Variants in STARD4 observed in about 807,000 individuals in gnomAD.
The protein encoded by STARD4 is stAR-related lipid transfer protein 4.
In STARD4, 33 loss-of-function variants were observed where a neutral mutation model predicts 24.9. The ratio of observed to expected loss-of-function variants is 1.32; its 90% CI spans 1.00 to 1.77. The LOEUF (loss-of-function observed/expected upper bound fraction) is 1.77, where lower values mean the gene tolerates loss of function less well. Among genes scored for constraint, STARD4 ranks in the 40% most tolerant of loss-of-function variants. The pLI is 0.00. For synonymous variants in STARD4, 88 were observed against 77.4 expected, an observed-to-expected ratio of 1.14 and a Z score of -0.72; for missense variants, 238 against 249.3, an observed-to-expected ratio of 0.95 and a Z score of 0.31.
intron 2 of STARD4, among the ~76,000 whole-genome samples, 197 bp from the exon 3 acceptor site, chr5:111,506,576 G>A (rs1224422114): frequency 6.6e-6 from 1 of 151,992 alleles, no homozygotes; most frequent in African/African-American, 2.4e-5. Context: ...TCTTCACATT[G>A]TACTTAAATT....
At position 111,500,999 on chromosome 5, in the gene STARD4, T is replaced by C. The variant is rs746378645; in HGVS notation, c.397+3A>G. 38 of 1,613,670 alleles carry C rather than the reference T, an allele frequency of 2.4e-5. No homozygotes were observed. The South Asian group carries it at 4.1e-4, about 17-fold the overall frequency. ...AAAAAGCATAACATGTTGAGATTAT[T>C]ACCACAAGATAAAAGCCCTTCTTTA... On this transcript the variant is annotated splice_donor_region_variant and intron_variant, in intron 5 of 5. Coordinates refer to ENST00000296632, the MANE Select transcript of STARD4 (RefSeq NM_139164.3).
At chr5:111,511,571 T>G (rs1757287130) in intron 1 of STARD4, among the ~76,000 whole-genome samples, 2 of 151,986 alleles carry the variant, frequency 1.3e-5, no homozygotes, top group African/African-American at 4.8e-5. Flanking sequence ...TTCCCTGTTT[T>G]ACAGAAAGGG....
At position 111,496,687 on chromosome 5, in the gene STARD4, A is replaced by C. The variant is rs1368105508; in HGVS notation, c.*3199T>G. On this transcript the variant is annotated 3_prime_UTR_variant, in exon 6 of 6. Transcript: ENST00000296632. ...CAATTACATAGTTTTTTAGCTTGAGATATTAATTGAATTCAGCATGATTGT... is the reference window on the plus strand; with the variant it reads ...CAATTACATAGTTTTTTAGCTTGAGCTATTAATTGAATTCAGCATGATTGT... 2 of 152,080 alleles carry C rather than the reference A, an allele frequency of 1.3e-5. No homozygotes were observed. The highest frequency in any genetic ancestry group is 2.9e-5 in the Non-Finnish European group (2 of 67,982). 9.4% of individuals were successfully genotyped at this position (152,080 alleles called of 1,614,324 possible).
At chr5:111,510,996 T>C (rs1208605531) in intron 1 of STARD4, among the ~76,000 whole-genome samples, 3 of 152,206 alleles carry the variant, frequency 2.0e-5, no homozygotes, top group African/African-American at 7.2e-5. Context: ...TTCACTTCCG[T>C]CAACAGCTTC....
intron 3 of STARD4, chr5:111,505,041 A>G: frequency 2.2e-6 from 1 of 451,262 alleles, no homozygotes; most frequent in Non-Finnish European, 4.4e-6. Flanking sequence ...TCCCTTTAAG[A>G]CTCTGAAAAA....
chr5:111,500,687 A>C, intron 5 of STARD4: 1 of 1,352,896 alleles, frequency 7.4e-7, no homozygotes, highest in Non-Finnish European at 9.4e-7. Flanking sequence ...TGTATGACCA[A>C]GAAACTGTTT....
rs1756259626 is a variant in STARD4 at position 111,499,149 on chromosome 5, C to A, written c.*737G>T. ...CTGGATACCTGAATTGCCTCAAGTT[C>A]CCATTTTAGAAGTAAACTAGATGGA... On this transcript the variant is annotated 3_prime_UTR_variant, in exon 6 of 6. Coordinates refer to ENST00000296632, the MANE Select transcript of STARD4 (RefSeq NM_139164.3). 6.6e-6 allele frequency: 1 copy of A among 152,108 alleles called. No individual in the cohort carries two copies. The highest frequency in any genetic ancestry group is 6.6e-5 in the Admixed American group (1 of 15,266). 9.4% of individuals were successfully genotyped at this position (152,108 alleles called of 1,614,324 possible). A position where few individuals can be genotyped will look rare whatever the true frequency, so the allele number is the denominator to read the frequency against.
Position 111,507,418 on chromosome 5 carries a change from C to T in STARD4, c.16G>A (p.Asp6Asn). 3 of 1,613,470 alleles carry T rather than the reference C, an allele frequency of 1.9e-6. No homozygotes were observed. In the South Asian group the frequency reaches 3.3e-5, roughly 18 times the overall value. Reference sequence around the variant, plus strand: ...AGTTTAGTTGCAAAAGAAGCAACATCAGACAGGCCTTCCATTACTTCTCTC... The same window carrying T: ...AGTTTAGTTGCAAAAGAAGCAACATTAGACAGGCCTTCCATTACTTCTCTC... MEGLS[D>N]VASFATKLKN... The change falls in exon 2 of 6, where the codon GAT (aspartate) becomes AAT (asparagine). Residue 6 changes from aspartate to asparagine, a missense_variant. Coordinates refer to ENST00000296632, the MANE Select transcript of STARD4 (RefSeq NM_139164.3). The surrounding 1 kb of genome is among the most constrained non-coding windows in gnomAD (Gnocchi z 4.4).
At chr5:111,511,843 G>C (rs992413760) in intron 1 of STARD4, among the ~76,000 whole-genome samples, 1 of 152,236 alleles carries the variant, frequency 6.6e-6, no homozygotes, top group African/African-American at 2.4e-5. Context: ...CAATGACACT[G>C]ATTTGGTGAG....
At position 111,496,875 on chromosome 5, in the gene STARD4, T is replaced by A. The variant is rs1756125859; in HGVS notation, c.*3011A>T. 1.3e-5 allele frequency: 2 copies of A among 152,158 alleles called. No homozygotes were observed. Among genetic ancestry groups the A allele is most frequent in the South Asian group, 4.1e-4 (2 of 4,824 alleles). The allele number at this position is 152,158 out of a possible 1,614,324, so 9.4% of individuals were successfully genotyped here. ...AAAAAGATTTTTAAGATTTACAAGC[T>A]CCCTAGTACTTTAGCAATTTATCTT... On this transcript the variant is annotated 3_prime_UTR_variant, in exon 6 of 6. Transcript: ENST00000296632.
rs1756196151 is a variant in STARD4 at position 111,498,091 on chromosome 5, A to T, written c.*1795T>A. 6.6e-6 allele frequency: 1 copy of T among 152,088 alleles called. No individual in the cohort carries two copies. Among genetic ancestry groups the T allele is most frequent in the Non-Finnish European group, 1.5e-5 (1 of 67,962 alleles). 9.4% of individuals were successfully genotyped at this position (152,088 alleles called of 1,614,324 possible). On this transcript the variant is annotated 3_prime_UTR_variant, in exon 6 of 6. Transcript: ENST00000296632. ...TAATATGTAAATTATATATCAATAA[A>T]GCTGTTTTTGTTTTTTTAAAGTACA...
Position 111,507,224 on chromosome 5 carries a change from C to G in STARD4, c.105+105G>C. 1 of 905,100 alleles carries G rather than the reference C, an allele frequency of 1.1e-6. No individual in the cohort carries two copies. Among genetic ancestry groups the G allele is most frequent in the African/African-American group, 1.7e-5 (1 of 58,934 alleles). The allele number at this position is 905,100 out of a possible 1,614,324, so 56.1% of individuals were successfully genotyped here. On this transcript the variant is annotated intron_variant, in intron 2 of 5. Transcript: ENST00000296632. The surrounding 1 kb of genome is among the most constrained non-coding windows in gnomAD (Gnocchi z 4.4). ...CAATTATTTTTCTTGCATATCCATC[C>G]AAAGTATGGTCTTTGTCCATATTGT...
At chr5:111,502,623 G>A (rs900904469) in intron 3 of STARD4, among the ~76,000 whole-genome samples, 5 of 150,528 alleles carry the variant, frequency 3.3e-5, no homozygotes. Context: ...CAGAAACCCA[G>A]TCTGTACTAA....
Position 111,501,979 on chromosome 5 carries a change from G to T in STARD4, c.265C>A (p.Leu89Met). The T allele has an allele frequency of 6.2e-7, 1 of 1,613,960 alleles. No individual in the cohort carries two copies. Among genetic ancestry groups the T allele is most frequent in the Non-Finnish European group, 8.5e-7 (1 of 1,179,982 alleles). Residue 89 changes from leucine to methionine, a missense_variant, in exon 4 of 6, where the codon CTG becomes ATG. Coordinates refer to ENST00000296632, the MANE Select transcript of STARD4 (RefSeq NM_139164.3). ...ATAGATACCTCTTCAAAGTTCTCCA[G>T]AATATCCAAAGAAGTCATCAAGCTG... ...WDSLMTSLDI[L>M]ENFEENCCVM...
intron 1 of STARD4, among the ~76,000 whole-genome samples, chr5:111,508,813 G>C (rs1200953466): frequency 2.0e-5 from 3 of 152,110 alleles, no homozygotes; most frequent in Non-Finnish European, 2.9e-5. Flanking sequence ...TGTCTAGCCA[G>C]AGATCAGAAC....
At chr5:111,510,953 G>C (rs929371269) in intron 1 of STARD4, among the ~76,000 whole-genome samples, 5 of 152,180 alleles carry the variant, frequency 3.3e-5, no homozygotes, top group South Asian at 2.1e-4. Flanking sequence ...GTATCAGAAC[G>C]GTCTAACCTT....
In STARD4 at chr5:111,507,388, T is replaced by C. The variant is rs1756944712; in HGVS notation, c.46A>G (p.Asn16Asp). 6.2e-7 allele frequency: 1 copy of C among 1,613,546 alleles called. No individual in the cohort carries two copies. Among genetic ancestry groups the C allele is most frequent in the African/African-American group, 1.3e-5 (1 of 74,904 alleles). Reference sequence around the variant, plus strand: ...ATGCTATGGTACTGGATGAGAGTGTTTTTAAGTTTAGTTGCAAAAGAAGCA... The same window carrying C: ...ATGCTATGGTACTGGATGAGAGTGTCTTTAAGTTTAGTTGCAAAAGAAGCA... ...DVASFATKLK[N>D]TLIQYHSIEE... The change falls in exon 2 of 6, where the codon AAC becomes GAC. Residue 16 changes from asparagine (N) to aspartate (D), a missense_variant. Coordinates refer to ENST00000296632, the MANE Select transcript of STARD4 (RefSeq NM_139164.3). This position sits in a 1 kb window ranked among gnomAD's most constrained non-coding sequence, Gnocchi z 4.4.
chr5:111,500,815 A>C, intron 5 of STARD4, 187 bp downstream of exon 5: 2 of 1,491,054 alleles, frequency 1.3e-6, no homozygotes, highest in Non-Finnish European at 1.8e-6. Context: ...ACAAAAACTT[A>C]TCAGAAGGGT....
intron 2 of STARD4, among the ~76,000 whole-genome samples, chr5:111,506,639 A>G (rs183120273): frequency 6.6e-6 from 1 of 152,222 alleles, no homozygotes; most frequent in Non-Finnish European, 1.5e-5. Context: ...CAAACACTGT[A>G]AGATTCAATG....
Sources: gnomAD v4.1 joint callset for allele counts (sites outside exome capture counted in the v4.1 genomes callset) on GRCh38, gnomAD v4.1.1 for gene constraint, Gnocchi (gnomAD v3.1) non-coding constraint, MANE v1.5 for transcripts, NCBI Gene and HGNC (gene_info 2026-07-23, HGNC 2026-07-21) for gene names.